MOB1B: variants seen among roughly 807,000 people sequenced by gnomAD.
MOB1B encodes MOB1 Mps One Binder homolog B.
Under a neutral mutation model 24.4 loss-of-function variants are expected in MOB1B, and 19 were observed. The ratio of observed to expected loss-of-function variants is 0.78; its 90% CI spans 0.54 to 1.14. The LOEUF (loss-of-function observed/expected upper bound fraction) is 1.14, where lower values mean the gene tolerates loss of function less well. Among genes scored for constraint, MOB1B ranks in the 50% most tolerant of loss-of-function variants. The pLI is 0.00. For missense variants in MOB1B, 243 were observed against 259.6 expected (o/e 0.94, Z 0.44); for synonymous variants, 76 against 82.1 (o/e 0.93, Z 0.40).
chr4:70,916,913 G>A (rs981261704), intron 1 of MOB1B, among the ~76,000 whole-genome samples: 2 of 152,096 alleles, frequency 1.3e-5, no homozygotes, highest in South Asian at 4.1e-4. Flanking sequence ...TTTCTCTATA[G>A]GCCACAAGTA....
intron 1 of MOB1B, among the ~76,000 whole-genome samples, chr4:70,943,146 A>G (rs1737417905): frequency 6.6e-6 from 1 of 152,242 alleles, no homozygotes; most frequent in Non-Finnish European, 1.5e-5. Flanking sequence ...TTTTAAAAAT[A>G]AAACCATAGG....
chr4:70,965,296 C>CAA (rs1175536577), intron 2 of MOB1B, among the ~76,000 whole-genome samples: 2,155 of 34,950 alleles, frequency 0.062, 262 homozygotes, highest in African/African-American at 0.15. Context: ...GACTTCATCT[C>CAA]AAAAAAAAAA....
chr4:70,910,565 C>A (rs7684474), intron 1 of MOB1B, among the ~76,000 whole-genome samples: 6,828 of 151,774 alleles, frequency 0.045, 248 homozygotes, highest in Non-Finnish European at 0.069. Context: ...GATGCTGGGA[C>A]TCTCTTCTAA....
At chr4:70,960,037 C>G (rs9994133) in intron 2 of MOB1B, among the ~76,000 whole-genome samples, 6,913 of 152,106 alleles carry the variant, frequency 0.045, 299 homozygotes, top group African/African-American at 0.11. Context: ...GCACGCACCA[C>G]CATGTCCGGC....
intron 1 of MOB1B, among the ~76,000 whole-genome samples, chr4:70,922,326 A>G (rs1736469212): frequency 6.6e-6 from 1 of 152,234 alleles, no homozygotes; most frequent in East Asian, 1.9e-4. Flanking sequence ...CAAAAAGTTT[A>G]CCTAAAACAT....
intron 1 of MOB1B, among the ~76,000 whole-genome samples, chr4:70,952,373 C>T (rs752481761): frequency 6.6e-6 from 1 of 151,880 alleles, no homozygotes; most frequent in Non-Finnish European, 1.5e-5. Flanking sequence ...AGGCACAAAA[C>T]TTTCTAATGC....
intron 1 of MOB1B, among the ~76,000 whole-genome samples, chr4:70,921,475 C>T (rs1446057929): frequency 6.9e-6 from 1 of 145,912 alleles, no homozygotes; most frequent in African/African-American, 2.5e-5. Flanking sequence ...CTTCTCTCTT[C>T]TCTTCTCTCC....
At chr4:70,930,198 A>G (rs995010232) in intron 1 of MOB1B, among the ~76,000 whole-genome samples, 46 of 152,152 alleles carry the variant, frequency 3.0e-4, no homozygotes, top group Non-Finnish European at 4.7e-4. Flanking sequence ...CTCAGTGTAT[A>G]TCTTGTTTCT....
At chr4:70,906,727 G>A (rs756292027) in intron 1 of MOB1B, among the ~76,000 whole-genome samples, 3 of 152,122 alleles carry the variant, frequency 2.0e-5, no homozygotes, top group East Asian at 3.9e-4. Flanking sequence ...TGGTTGTGCC[G>A]CAGTTTGGCC....
At chr4:70,916,543 A>G (rs563963703) in intron 1 of MOB1B, among the ~76,000 whole-genome samples, 1 of 152,156 alleles carries the variant, frequency 6.6e-6, no homozygotes, top group Admixed American at 6.5e-5. Flanking sequence ...TGCCTAGGCA[A>G]TTTCTTTGTT....
intron 1 of MOB1B, among the ~76,000 whole-genome samples, chr4:70,920,100 C>T (rs942402949): frequency 1.3e-5 from 2 of 151,958 alleles, no homozygotes; most frequent in African/African-American, 4.8e-5. Flanking sequence ...CATATTTTAC[C>T]AATTATCTTT....
intron 1 of MOB1B, chr4:70,950,859 T>C (rs1423055708): frequency 3.8e-6 from 4 of 1,063,594 alleles, no homozygotes. Context: ...AGTGAAGTTC[T>C]TAACATAAGT....
chr4:70,962,166 C>T (rs988227571), intron 2 of MOB1B, among the ~76,000 whole-genome samples: 5 of 152,068 alleles, frequency 3.3e-5, no homozygotes, highest in Non-Finnish European at 7.4e-5. Context: ...CGAGGTTAGC[C>T]TGGGCAGCAT....
intron 1 of MOB1B, among the ~76,000 whole-genome samples, chr4:70,940,834 G>A (rs1295172548): frequency 1.3e-5 from 2 of 151,820 alleles, no homozygotes; most frequent in East Asian, 3.9e-4. Context: ...GCACCACCAC[G>A]CCCGGCTAAT....
intron 1 of MOB1B, among the ~76,000 whole-genome samples, chr4:70,947,810 T>C (rs1737649127): frequency 6.6e-6 from 1 of 152,138 alleles, no homozygotes; most frequent in Non-Finnish European, 1.5e-5. Flanking sequence ...GGTTTCAACA[T>C]ATTGCCCAGG....
At chr4:70,917,225 A>C (rs1223031694) in intron 1 of MOB1B, among the ~76,000 whole-genome samples, 1 of 152,168 alleles carries the variant, frequency 6.6e-6, no homozygotes, top group Non-Finnish European at 1.5e-5. Flanking sequence ...ATGTACCATT[A>C]AGGTTTCTTA....
intron 1 of MOB1B, among the ~76,000 whole-genome samples, chr4:70,920,425 A>T (rs1350937974): frequency 3.9e-5 from 6 of 152,160 alleles, no homozygotes; most frequent in African/African-American, 1.4e-4. Flanking sequence ...GGGTTTTACC[A>T]TGTTGGCCAG....
In MOB1B at chr4:70,982,228, T is replaced by G; in HGVS notation, c.*171T>G. The G allele has an allele frequency of 3.9e-6, 2 of 509,602 alleles. No individual in the cohort carries two copies. The highest frequency in any genetic ancestry group is 6.3e-5 in the East Asian group (2 of 31,932). The allele number at this position is 509,602 out of a possible 1,614,324, so 31.6% of individuals were successfully genotyped here. On this transcript the variant is annotated 3_prime_UTR_variant, in exon 6 of 6. Coordinates refer to ENST00000309395, the MANE Select transcript of MOB1B (RefSeq NM_173468.4). The stretch of plus-strand genomic sequence containing the variant: ...ATTATGTGAAACCATATTCTATTGC[T>G]AGGGGAAGCCAAGAACCATTCTCTA...
rs1739264991 is a variant in MOB1B, at chr4:70,982,990, G to T, written c.*933G>T. 1 of 152,400 alleles carries T rather than the reference G, an allele frequency of 6.6e-6. No homozygotes were observed. Among genetic ancestry groups the T allele is most frequent in the Non-Finnish European group, 1.5e-5 (1 of 67,988 alleles). The allele number at this position is 152,400 out of a possible 1,614,324, so 9.4% of individuals were successfully genotyped here. ...GGCATGGAGATGTTCGTATGTATGA[G>T]GAGTTAGGGATGGGGAGTCAAGTTC... On this transcript the variant is annotated 3_prime_UTR_variant, in exon 6 of 6. Transcript: ENST00000309395.
Sources: allele counts gnomAD v4.1 joint callset (sites outside exome capture counted in the v4.1 genomes callset), GRCh38; gene constraint gnomAD v4.1.1; transcripts MANE v1.5; gene names NCBI Gene and HGNC (gene_info 2026-07-23, HGNC 2026-07-21).